NFIC: variants seen among roughly 807,000 people sequenced by gnomAD.
NFIC encodes the protein nuclear factor I C.
Under a neutral mutation model 54.4 loss-of-function variants are expected in NFIC, and 12 were observed. The ratio of observed to expected loss-of-function variants is 0.22; its 90% CI spans 0.14 to 0.36. The LOEUF (loss-of-function observed/expected upper bound fraction) is 0.36. NFIC is among the 10% of genes least tolerant of loss of function. The pLI is 1.00. For synonymous variants in NFIC, 322 were observed against 319.2 expected, an observed-to-expected ratio of 1.01 and a Z score of -0.09; for missense variants, 575 against 718.2, an observed-to-expected ratio of 0.80 and a Z score of 2.28.
chr19:3,442,440 G>C lies in NFIC; in HGVS notation c.959-6574G>C, dbSNP rs532261894. Among the ~76,000 whole-genome samples the C allele has an allele frequency of 2.0e-5, 3 of 148,836 alleles. No homozygotes were observed. In the South Asian group the frequency reaches 6.4e-4, roughly 32 times the overall value. On this transcript the variant is annotated intron_variant, in intron 6 of 10. Coordinates refer to ENST00000443272, the MANE Select transcript of NFIC (RefSeq NM_001245002.2). The stretch of plus-strand genomic sequence containing the variant: ...CTGTTGCCCAGGCTGGAGTGCAGTG[G>C]CATGATCTCGGCTCACTGCAGCCTC...
intron 2 of NFIC, among the ~76,000 whole-genome samples, chr19:3,384,370 A>C (rs2081259707): frequency 6.6e-6 from 1 of 150,806 alleles, no homozygotes; most frequent in South Asian, 2.1e-4. Flanking sequence ...GCACCACACC[A>C]GTTACCCAGT....
intron 6 of NFIC, among the ~76,000 whole-genome samples, chr19:3,445,026 T>TAC (rs201191724): frequency 0.022 from 3,365 of 150,710 alleles, 108 homozygotes; most frequent in African/African-American, 0.08. Context: ...TGCACAGGCA[T>TAC]ACACATACAC....
At position 3,371,947 on chromosome 19, in the gene NFIC, C is replaced by T. The variant is rs1255605508; in HGVS notation, c.30+5281C>T. On this transcript the variant is annotated intron_variant, in intron 1 of 10. Coordinates refer to ENST00000443272, the MANE Select transcript of NFIC (RefSeq NM_001245002.2). Reference sequence around the variant, plus strand: ...TCCTTCCTTCCTTCCTTCCCTCCCTCCCTCCCTCCTTCCTTCTTTCCTTCT... The same window carrying T: ...TCCTTCCTTCCTTCCTTCCCTCCCTTCCTCCCTCCTTCCTTCTTTCCTTCT... 2.2e-5 allele frequency among the ~76,000 whole-genome samples: 3 copies of T among 133,992 alleles called. No individual in the cohort carries two copies. In the Admixed American group the frequency reaches 2.2e-4, roughly 10 times the overall value. 87.9% of individuals were successfully genotyped at this position (133,992 alleles called of 152,430 possible).
intron 6 of NFIC, among the ~76,000 whole-genome samples, chr19:3,443,372 A>G (rs1259207133): frequency 6.6e-6 from 1 of 151,888 alleles, no homozygotes; most frequent in Non-Finnish European, 1.5e-5. Context: ...GCAGTAAGCT[A>G]TGATTGCACC....
chr19:3,429,134 TATACACACACAC>T (rs1291966202), intron 3 of NFIC, among the ~76,000 whole-genome samples: 4 of 67,200 alleles, frequency 6.0e-5, no homozygotes, highest in Non-Finnish European at 2.7e-5. Context: ...AAAAAAAAAA[TATACACACACAC>T]ACACACACAC....
chr19:3,433,417 C>A, intron 3 of NFIC, 101 bp from the exon 4 acceptor site: 2 of 1,272,176 alleles, frequency 1.6e-6, no homozygotes, highest in Admixed American at 1.8e-5. Flanking sequence ...GGGGGAACGT[C>A]CAGGCTCGGG....
intron 6 of NFIC, among the ~76,000 whole-genome samples, chr19:3,439,581 G>T (rs974759934): frequency 2.6e-5 from 4 of 151,102 alleles, no homozygotes; most frequent in Non-Finnish European, 5.9e-5. Flanking sequence ...GGCGGAGGGT[G>T]CAGTGAGCCG....
At chr19:3,391,948 G>A (rs1291476664) in intron 2 of NFIC, among the ~76,000 whole-genome samples, 1 of 152,026 alleles carries the variant, frequency 6.6e-6, no homozygotes, top group Non-Finnish European at 1.5e-5. Flanking sequence ...TTCTCGTCCA[G>A]CTCTGCCCTG....
chr19:3,393,714 G>A (rs2081411879), intron 2 of NFIC, among the ~76,000 whole-genome samples: 2 of 150,842 alleles, frequency 1.3e-5, no homozygotes, highest in Non-Finnish European at 2.9e-5. Flanking sequence ...ACTCTCAGGA[G>A]GCTGAGACAG....
At chr19:3,415,788 T>C (rs578098748) in intron 2 of NFIC, among the ~76,000 whole-genome samples, 40 of 152,258 alleles carry the variant, frequency 2.6e-4, no homozygotes, top group Non-Finnish European at 4.6e-4. Context: ...GTCGAGCACC[T>C]ACTGTATACC....
intron 3 of NFIC, among the ~76,000 whole-genome samples, chr19:3,432,528 G>A (rs1019221269): frequency 2.0e-5 from 3 of 152,030 alleles, no homozygotes; most frequent in Admixed American, 1.3e-4. Flanking sequence ...CAGATCTCAC[G>A]ACAACCCCGA....
In NFIC at chr19:3,463,354, G is replaced by A; in HGVS notation, c.*585G>A. 1.0e-6 allele frequency: 1 copy of A among 986,368 alleles called. No homozygotes were observed. Among genetic ancestry groups the A allele is most frequent in the South Asian group, 4.7e-5 (1 of 21,380 alleles). The allele number at this position is 986,368 out of a possible 1,614,324, so 61.1% of individuals were successfully genotyped here. A position where few individuals can be genotyped will look rare whatever the true frequency, so the allele number is the denominator to read the frequency against. ...CACTGGGGGGAAAGGGAGACACAGC[G>A]GACCCCGGCCGGGCAGCGGAGACCG... is the stretch of plus-strand genomic sequence containing the variant. On this transcript the variant is annotated 3_prime_UTR_variant, in exon 11 of 11. Coordinates refer to ENST00000443272, the MANE Select transcript of NFIC (RefSeq NM_001245002.2).
rs562260374 is a variant in NFIC at position 3,442,676 on chromosome 19, C to T, written c.959-6338C>T. Among the ~76,000 whole-genome samples, 162 of 152,164 alleles carry T rather than the reference C, an allele frequency of 1.1e-3. 1 individual carries two copies. The highest frequency in any genetic ancestry group is 2.0e-3 in the Non-Finnish European group (138 of 67,996). The stretch of plus-strand genomic sequence containing the variant: ...TGCTAGGATGACAGGTGTGAGCCAC[C>T]GAGCCCAGCCCGCCCATCCCTTTTT... On this transcript the variant is annotated intron_variant, in intron 6 of 10. Coordinates refer to ENST00000443272, the MANE Select transcript of NFIC (RefSeq NM_001245002.2).
At chr19:3,437,635 C>CAAAAAAA (rs397860121) in intron 6 of NFIC, among the ~76,000 whole-genome samples, 1 of 77,352 alleles carries the variant, frequency 1.3e-5, no homozygotes, top group Non-Finnish European at 2.6e-5. Flanking sequence ...GACTATGTCT[C>CAAAAAAA]AAAAAAAAAA....
chr19:3,387,070 G>A (rs762473532), intron 2 of NFIC, among the ~76,000 whole-genome samples: 1 of 152,230 alleles, frequency 6.6e-6, no homozygotes, highest in Non-Finnish European at 1.5e-5. Flanking sequence ...GGGCAGCTGA[G>A]GCCCTGGGAT....
chr19:3,427,133 A>G (rs976674545), intron 3 of NFIC, among the ~76,000 whole-genome samples: 2 of 151,870 alleles, frequency 1.3e-5, no homozygotes, highest in African/African-American at 4.8e-5. Context: ...TCACCGTGGT[A>G]GCCAGGATGG....
At chr19:3,408,877 C>G (rs2081701567) in intron 2 of NFIC, among the ~76,000 whole-genome samples, 1 of 152,102 alleles carries the variant, frequency 6.6e-6, no homozygotes, top group African/African-American at 2.4e-5. Context: ...AGCCACCGCC[C>G]CTGGCTGACA....
intron 7 of NFIC, 110 bp downstream of exon 7, chr19:3,449,249 C>A (rs1245727030): frequency 6.9e-7 from 1 of 1,439,654 alleles, no homozygotes; most frequent in Non-Finnish European, 9.2e-7. Flanking sequence ...TTGCTGTAGC[C>A]TTCTAGGTGG....
At position 3,463,820 on chromosome 19, in the gene NFIC, G is replaced by A. The variant is rs949045315; in HGVS notation, c.*1051G>A. 4.1e-6 allele frequency: 4 copies of A among 985,160 alleles called. No individual in the cohort carries two copies. The highest frequency in any genetic ancestry group is 4.8e-6 in the Non-Finnish European group (4 of 829,852). The allele number at this position is 985,160 out of a possible 1,614,324, so 61.0% of individuals were successfully genotyped here. ...CCGTCAGCCCCTGGCGGTGGGAGGTGAGAGCGAGTGGTTTAAGTGCCTGAT... is the reference window on the plus strand; with the variant it reads ...CCGTCAGCCCCTGGCGGTGGGAGGTAAGAGCGAGTGGTTTAAGTGCCTGAT... On this transcript the variant is annotated 3_prime_UTR_variant, in exon 11 of 11. Transcript: ENST00000443272.
Sources: allele counts gnomAD v4.1 joint callset (sites outside exome capture counted in the v4.1 genomes callset), GRCh38; gene constraint gnomAD v4.1.1; transcripts MANE v1.5; gene names NCBI Gene and HGNC (gene_info 2026-07-23, HGNC 2026-07-21).